BMPR1A: variants seen among roughly 807,000 people sequenced by gnomAD.
The protein encoded by BMPR1A is bone morphogenetic protein receptor type-1A.
A neutral mutation model predicts 66.0 loss-of-function variants in BMPR1A; 7 were observed. The ratio of observed to expected loss-of-function variants is 0.11; its 90% CI spans 0.06 to 0.20. The LOEUF (loss-of-function observed/expected upper bound fraction) is 0.20, where lower values mean the gene tolerates loss of function less well. Among genes scored for constraint, BMPR1A ranks in the 10% least tolerant of loss-of-function variants. BMPR1A has a pLI of 1.00. For missense variants in BMPR1A, 408 were observed against 669.1 expected (o/e 0.61, Z 4.31); for synonymous variants, 200 against 229.7 (o/e 0.87, Z 1.17).
chr10:86,828,232 C>G (rs1234148573), intron 1 of BMPR1A, among the ~76,000 whole-genome samples: 1 of 152,200 alleles, frequency 6.6e-6, no homozygotes, highest in African/African-American at 2.4e-5. Flanking sequence ...TCTTCAGTCT[C>G]AGGCCATCCG....
At chr10:86,890,999 A>G (rs550413599) in intron 4 of BMPR1A, among the ~76,000 whole-genome samples, 4 of 152,332 alleles carry the variant, frequency 2.6e-5, no homozygotes, top group African/African-American at 9.6e-5. Flanking sequence ...CTCATCAGTC[A>G]ATTAATTGTC....
intron 2 of BMPR1A, among the ~76,000 whole-genome samples, chr10:86,844,951 T>G (rs1371091491): frequency 2.0e-5 from 3 of 152,114 alleles, no homozygotes; most frequent in Non-Finnish European, 2.9e-5. Flanking sequence ...TAATTTTGTA[T>G]TTTTAGTAGA....
chr10:86,809,162 A>G (rs1483839795), intron 1 of BMPR1A, among the ~76,000 whole-genome samples: 1 of 152,222 alleles, frequency 6.6e-6, no homozygotes, highest in African/African-American at 2.4e-5. Flanking sequence ...TAAAATATGC[A>G]TAACATAAAA....
At chr10:86,806,674 C>T (rs947297868) in intron 1 of BMPR1A, among the ~76,000 whole-genome samples, 1 of 152,076 alleles carries the variant, frequency 6.6e-6, no homozygotes, top group Non-Finnish European at 1.5e-5. Flanking sequence ...ATCTCAGCCT[C>T]CCAAGTAGCT....
chr10:86,850,137 A>G (rs932777558), intron 2 of BMPR1A, among the ~76,000 whole-genome samples: 2 of 152,116 alleles, frequency 1.3e-5, no homozygotes, highest in African/African-American at 4.8e-5. Flanking sequence ...CCTGGCCAAT[A>G]TGGTGAAACC....
At chr10:86,887,560 C>G (rs541241620) in intron 3 of BMPR1A, among the ~76,000 whole-genome samples, 4 of 152,112 alleles carry the variant, frequency 2.6e-5, no homozygotes, top group Non-Finnish European at 4.4e-5. Context: ...ATTATTATCC[C>G]CATTTTCTAT....
intron 1 of BMPR1A, among the ~76,000 whole-genome samples, chr10:86,783,042 T>C (rs1459591707): frequency 6.6e-6 from 1 of 152,232 alleles, no homozygotes; most frequent in African/African-American, 2.4e-5. Context: ...AGTTATTTTT[T>C]ATTTATGGTT....
intron 7 of BMPR1A, among the ~76,000 whole-genome samples, chr10:86,912,005 A>G (rs1039013621): frequency 6.6e-6 from 1 of 152,106 alleles, no homozygotes; most frequent in African/African-American, 2.4e-5. Flanking sequence ...TCTGATTTTG[A>G]TAGTGTCTTT....
chr10:86,859,084 A>G (rs139842059), intron 2 of BMPR1A, among the ~76,000 whole-genome samples: 9 of 152,330 alleles, frequency 5.9e-5, no homozygotes, highest in South Asian at 2.1e-4. Flanking sequence ...CAGTAGACCA[A>G]TTGAACAGAA....
At chr10:86,771,392 A>G (rs73346171) in intron 1 of BMPR1A, among the ~76,000 whole-genome samples, 1,779 of 152,310 alleles carry the variant, frequency 0.012, 37 homozygotes, top group African/African-American at 0.04. Context: ...TAAGATTGAG[A>G]TGGATTAAAT....
chr10:86,866,163 T>C (rs914838452), intron 2 of BMPR1A, among the ~76,000 whole-genome samples: 8 of 151,734 alleles, frequency 5.3e-5, no homozygotes, highest in Non-Finnish European at 1.0e-4. Flanking sequence ...AAGGACATAT[T>C]GTCAGCAGCA....
At chr10:86,819,251 G>A (rs1333980214) in intron 1 of BMPR1A, among the ~76,000 whole-genome samples, 1 of 152,064 alleles carries the variant, frequency 6.6e-6, no homozygotes. Context: ...ACCATGTTTT[G>A]TAACAATTGG....
At chr10:86,860,781 A>G (rs1842702832) in intron 2 of BMPR1A, among the ~76,000 whole-genome samples, 2 of 151,928 alleles carry the variant, frequency 1.3e-5, no homozygotes, top group Admixed American at 1.3e-4. Flanking sequence ...AAAAAAAAAA[A>G]AAAGATGCTA....
At chr10:86,790,174 AAAAAAAAAAAAAAAATATAT>A (rs1421625760) in intron 1 of BMPR1A, among the ~76,000 whole-genome samples, 4 of 38,392 alleles carry the variant, frequency 1.0e-4, no homozygotes, top group African/African-American at 5.6e-4. Context: ...AAAAAAAAAA[AAAAAAAAAAAAAAAATATAT>A]ATATATATAT....
In BMPR1A at chr10:86,906,148, G is replaced by A. The variant is rs557503793; in HGVS notation, c.530+6022G>A. Among the ~76,000 whole-genome samples the A allele has an allele frequency of 2.1e-4, 32 of 152,226 alleles. No individual in the cohort carries two copies. In the South Asian group the frequency reaches 5.4e-3, roughly 26 times the overall value. On this transcript the variant is annotated intron_variant, in intron 7 of 12. Transcript: ENST00000372037. ...TTTCACTGGCTATAGAATTCTGGAT[G>A]GGCTCAAGTTTGTTTCCCTTAAAGC...
intron 7 of BMPR1A, among the ~76,000 whole-genome samples, chr10:86,904,332 A>T (rs1843354633): frequency 6.6e-6 from 1 of 152,250 alleles, no homozygotes; most frequent in Non-Finnish European, 1.5e-5. Flanking sequence ...TAATAAAGAA[A>T]TGTTAAATGA....
intron 2 of BMPR1A, among the ~76,000 whole-genome samples, chr10:86,870,775 C>G (rs914053482): frequency 6.6e-6 from 1 of 151,972 alleles, no homozygotes; most frequent in African/African-American, 2.4e-5. Flanking sequence ...CACTGCCACC[C>G]TATTCTTTTT....
At chr10:86,818,266 C>T (rs1842065564) in intron 1 of BMPR1A, among the ~76,000 whole-genome samples, 1 of 152,190 alleles carries the variant, frequency 6.6e-6, no homozygotes, top group Non-Finnish European at 1.5e-5. Context: ...ATCTGCCCTC[C>T]TCGGCCTCCA....
rs1051573791 is a variant in BMPR1A, at chr10:86,924,092, C to T, written c.*373C>T. 10 of 382,902 alleles carry T rather than the reference C, an allele frequency of 2.6e-5. No individual in the cohort carries two copies. The highest frequency in any genetic ancestry group is 2.0e-4 in the African/African-American group (10 of 49,742). 23.7% of individuals were successfully genotyped at this position (382,902 alleles called of 1,614,324 possible). A position where few individuals can be genotyped will look rare whatever the true frequency, so the allele number is the denominator to read the frequency against. On this transcript the variant is annotated 3_prime_UTR_variant, in exon 13 of 13. Coordinates refer to ENST00000372037, the MANE Select transcript of BMPR1A (RefSeq NM_004329.3). ...AAAGCCTTAAGAAGATAAATGAGCG[C>T]AGCAGAGATGGAGAAATAGACTTTG...
Sources: allele counts gnomAD v4.1 joint callset (sites outside exome capture counted in the v4.1 genomes callset), GRCh38; gene constraint gnomAD v4.1.1; transcripts MANE v1.5; gene names NCBI Gene and HGNC (gene_info 2026-07-23, HGNC 2026-07-21).